Variants in BOLA3 observed in about 807,000 individuals in gnomAD.
BOLA3 encodes the protein bolA family member 3.
BOLA3 carries 8 observed loss-of-function variants against 14.5 expected under a neutral mutation model. The observed-to-expected ratio is 0.55, with a 90% CI of 0.32 to 0.99. BOLA3 has a LOEUF of 0.99. Ranked by LOEUF, BOLA3 falls within the 50% of genes least tolerant of loss-of-function variation. BOLA3 has a pLI of 0.04. For synonymous variants in BOLA3, 42 were observed against 45.7 expected, an observed-to-expected ratio of 0.92 and a Z score of 0.33; for missense variants, 115 against 138.2, an observed-to-expected ratio of 0.83 and a Z score of 0.84.
At chr2:74,141,830 A>G (rs1692442489) in intron 3 of BOLA3, among the ~76,000 whole-genome samples, 1 of 152,226 alleles carries the variant, frequency 6.6e-6, no homozygotes, top group Admixed American at 6.5e-5. Flanking sequence ...GATGTTCCAG[A>G]ACCCAAATGT....
At chr2:74,144,455 G>A (rs1236887342) in intron 2 of BOLA3, among the ~76,000 whole-genome samples, 1 of 152,220 alleles carries the variant, frequency 6.6e-6, no homozygotes, top group Non-Finnish European at 1.5e-5. Flanking sequence ...GCTGCCTCTG[G>A]GTATGGAGAG....
chr2:74,145,156 C>T (rs1483236343), intron 2 of BOLA3, 33 bp downstream of exon 2: 2 of 1,252,426 alleles, frequency 1.6e-6, no homozygotes, highest in African/African-American at 1.5e-5. Context: ...AAATCTTATC[C>T]AAGCGCCGTA....
chr2:74,147,519 CCT>C (rs1491102729), intron 1 of BOLA3: 8 of 461,410 alleles, frequency 1.7e-5, no homozygotes, highest in Non-Finnish European at 2.3e-5. Context: ...GTAAACCAAT[CCT>C]TTTTTTTTCC....
intron 3 of BOLA3, among the ~76,000 whole-genome samples, chr2:74,136,743 G>C (rs1252485523): frequency 6.6e-6 from 1 of 152,140 alleles, no homozygotes; most frequent in Non-Finnish European, 1.5e-5. Flanking sequence ...CCTGTGTTTT[G>C]TTATTTCGAG....
rs1021465148 is a variant in BOLA3 at position 74,147,879 on chromosome 2, G to C, written c.-5C>G. On this transcript the variant is annotated 5_prime_UTR_variant, in exon 1 of 4. Coordinates refer to ENST00000327428, the MANE Select transcript of BOLA3 (RefSeq NM_212552.3). ...GGCCGGGCTCCATGCAGCCATGCCCGGCCGACGTGACCCGCCGCCCGAGGT... is the reference window on the plus strand; with the variant it reads ...GGCCGGGCTCCATGCAGCCATGCCCCGCCGACGTGACCCGCCGCCCGAGGT... 3.3e-6 allele frequency: 5 copies of C among 1,515,746 alleles called. No individual in the cohort carries two copies. The highest frequency in any genetic ancestry group is 1.4e-5 in the African/African-American group (1 of 70,298). The allele number at this position is 1,515,746 out of a possible 1,614,324, so 93.9% of individuals were successfully genotyped here.
chr2:74,142,058 T>C (rs565409926), intron 3 of BOLA3, among the ~76,000 whole-genome samples: 7 of 152,390 alleles, frequency 4.6e-5, no homozygotes, highest in South Asian at 2.1e-4. Context: ...AAAATCACTA[T>C]TGGGAGGCCT....
At chr2:74,144,606 C>G (rs1692508255) in intron 2 of BOLA3, among the ~76,000 whole-genome samples, 1 of 152,200 alleles carries the variant, frequency 6.6e-6, no homozygotes. Context: ...AACACACTGC[C>G]AGCCTGAACT....
chr2:74,143,004 C>G (rs1425566990), intron 2 of BOLA3, among the ~76,000 whole-genome samples: 2 of 152,322 alleles, frequency 1.3e-5, no homozygotes, highest in South Asian at 4.1e-4. Flanking sequence ...CCTGCCTGAG[C>G]TTTCCTCCAC....
rs763031626 is a variant in BOLA3 at position 74,145,174 on chromosome 2, T to C, written c.169+15A>G. On this transcript the variant is annotated intron_variant, in intron 2 of 3. Coordinates refer to ENST00000327428, the MANE Select transcript of BOLA3 (RefSeq NM_212552.3). ...TCTTATCCAAGCGCCGTAGGAAGAG[T>C]GAGAGAAACCTTACCTGAAATGTCA... The C allele has an allele frequency of 2.1e-6, 3 of 1,418,632 alleles. No homozygotes were observed. The highest frequency in any genetic ancestry group is 2.0e-6 in the Non-Finnish European group (2 of 1,002,612). The allele number at this position is 1,418,632 out of a possible 1,614,324, so 87.9% of individuals were successfully genotyped here.
chr2:74,147,832 C>A lies in BOLA3; in HGVS notation c.43G>T (p.Gly15Trp). ...CTGCCCACGCTCACCCCGCGGATCC[C>A]GCGGAGGAGAGGCGCTGCCGCGGCC... is the stretch of plus-strand genomic sequence containing the variant. ...SPAAAAPLLR[G>W]IRGLPLHHRM... Residue 15 changes from glycine to tryptophan, a missense_variant, in exon 1 of 4, where the codon GGG (glycine) becomes TGG (tryptophan). Physicochemically the swap from Gly to Trp is radical, Grantham distance 184 (BLOSUM62 -2). Coordinates refer to ENST00000327428, the MANE Select transcript of BOLA3 (RefSeq NM_212552.3). 6.5e-7 allele frequency: 1 copy of A among 1,527,836 alleles called. No homozygotes were observed. The highest frequency in any genetic ancestry group is 1.4e-5 in the African/African-American group (1 of 72,150). 94.6% of individuals were successfully genotyped at this position (1,527,836 alleles called of 1,614,324 possible).
intron 1 of BOLA3, chr2:74,147,595 C>A: frequency 5.2e-6 from 3 of 579,362 alleles, no homozygotes; most frequent in Non-Finnish European, 9.2e-6. Flanking sequence ...CCACCCAGCT[C>A]GGGAGCTCCC....
intron 3 of BOLA3, among the ~76,000 whole-genome samples, chr2:74,137,688 G>A (rs1458470660): frequency 1.3e-5 from 2 of 152,092 alleles, no homozygotes; most frequent in Non-Finnish European, 2.9e-5. Context: ...GGCCATACCT[G>A]GTTTCCATCA....
chr2:74,141,934 A>G (rs1312149775), intron 3 of BOLA3, among the ~76,000 whole-genome samples: 1 of 151,962 alleles, frequency 6.6e-6, no homozygotes, highest in South Asian at 2.1e-4. Flanking sequence ...GAGGCCAAAA[A>G]ACCCCTCTTC....
intron 1 of BOLA3, chr2:74,147,482 T>C: frequency 2.9e-6 from 1 of 339,756 alleles, no homozygotes; most frequent in Non-Finnish European, 5.4e-6. Context: ...GCCTTGACTC[T>C]GGGCTATGAC....
chr2:74,144,163 G>A (rs185357797), intron 2 of BOLA3, among the ~76,000 whole-genome samples: 8 of 147,912 alleles, frequency 5.4e-5, no homozygotes, highest in South Asian at 4.3e-4. Context: ...GTGCCACCAC[G>A]CCCAGTTAAT....
At chr2:74,139,234 A>G (rs1407437390) in intron 3 of BOLA3, among the ~76,000 whole-genome samples, 2 of 152,184 alleles carry the variant, frequency 1.3e-5, no homozygotes, top group African/African-American at 4.8e-5. Flanking sequence ...CGACCTTTTC[A>G]GGCCTTTTGG....
At chr2:74,143,716 C>T (rs540905613) in intron 2 of BOLA3, among the ~76,000 whole-genome samples, 179 of 151,768 alleles carry the variant, frequency 1.2e-3, no homozygotes, top group African/African-American at 4.2e-3. Context: ...GACAGAGTTT[C>T]GCTCTTGTCG....
At chr2:74,143,104 T>A (rs140056229) in intron 2 of BOLA3, among the ~76,000 whole-genome samples, 2 of 152,076 alleles carry the variant, frequency 1.3e-5, no homozygotes, top group African/African-American at 2.4e-5. Flanking sequence ...CTGCATGATT[T>A]ACAGAGCCAG....
Position 74,147,819 on chromosome 2 carries a change from A to AC in BOLA3, c.54+1dup. The stretch of plus-strand genomic sequence containing the variant: ...AGCAGCCCCGACCCTGCCCACGCTC[A>AC]CCCCGCGGATCCCGCGGAGGAGAGG... On this transcript the variant is annotated splice_donor_variant, in intron 1 of 3. Coordinates refer to ENST00000327428, the MANE Select transcript of BOLA3 (RefSeq NM_212552.3). LOFTEE classifies it high-confidence loss of function. 6.5e-7 allele frequency: 1 copy of AC among 1,528,142 alleles called. No homozygotes were observed. The highest frequency in any genetic ancestry group is 1.2e-5 in the South Asian group (1 of 83,512). 94.7% of individuals were successfully genotyped at this position (1,528,142 alleles called of 1,614,324 possible). A position where few individuals can be genotyped will look rare whatever the true frequency, so the allele number is the denominator to read the frequency against.
Sources: allele counts gnomAD v4.1 joint callset (sites outside exome capture counted in the v4.1 genomes callset), GRCh38; gene constraint gnomAD v4.1.1; transcripts MANE v1.5; gene names NCBI Gene and HGNC (gene_info 2026-07-23, HGNC 2026-07-21).